Variants in HPS3 observed in about 807,000 individuals in gnomAD.
HPS3 encodes the protein HPS3 biogenesis of lysosomal organelles complex 2 subunit 1.
HPS3 carries 79 observed loss-of-function variants against 110.9 expected under a neutral mutation model. The observed-to-expected ratio is 0.71, with a 90% CI of 0.59 to 0.86. HPS3 has a LOEUF of 0.86. Ranked by LOEUF, HPS3 falls within the 40% of genes least tolerant of loss-of-function variation. HPS3 has a pLI of 0.00. For missense variants in HPS3, 1,197 were observed against 1,206.2 expected (o/e 0.99, Z 0.11); for synonymous variants, 428 against 451.0 (o/e 0.95, Z 0.65).
intron 2 of HPS3, 93 bp downstream of exon 2, chr3:149,140,591 G>A (rs1020447828): frequency 5.5e-5 from 73 of 1,335,236 alleles, no homozygotes; most frequent in Middle Eastern, 1.8e-4. Context: ...TATGGTGCCC[G>A]GCCATGTTAT....
In HPS3 at chr3:149,141,037, C is replaced by T. The variant is rs752034836; in HGVS notation, c.733C>T (p.Gln245Ter). 8.1e-6 allele frequency: 13 copies of T among 1,613,822 alleles called. No individual in the cohort carries two copies. The South Asian group carries it at 9.9e-5, about 12-fold the overall frequency. Reference sequence around the variant, plus strand: ...TTAAGGCATCAGTAATGAAATTTCACAGCTTGAGTCAGATGATTTTGTCAT... The same window carrying T: ...TTAAGGCATCAGTAATGAAATTTCATAGCTTGAGTCAGATGATTTTGTCAT... The part of the protein sequence containing the change: ...TEEGISNEIS[Q>*]LESDDFVICQ... Residue 245 changes from glutamine to a stop codon, truncating the protein, a stop_gained, in exon 3 of 17, where the codon CAG becomes TAG. Transcript: ENST00000296051. LOFTEE classifies it high-confidence loss of function.
In HPS3 at chr3:149,140,234, G is replaced by T. The variant is rs146744768; in HGVS notation, c.448G>T (p.Val150Phe). 5.0e-6 allele frequency: 8 copies of T among 1,614,038 alleles called. No individual in the cohort carries two copies. The Admixed American group carries it at 1.3e-4, about 27-fold the overall frequency. ...TTGCCCTGTGAAAGGAGACCTTCTC[G>T]TTGGCTGCACAAATAAATTAGTCTT... ...SCCPVKGDLL[V>F]GCTNKLVLFS... Residue 150 changes from valine (V) to phenylalanine (F), a missense_variant, in exon 2 of 17, where the codon GTT becomes TTT. Physicochemically the swap from Val to Phe is conservative, Grantham distance 50. Transcript: ENST00000296051.
At chr3:149,171,379 G>A (rs1178390790) in intron 16 of HPS3, among the ~76,000 whole-genome samples, 3 of 152,166 alleles carry the variant, frequency 2.0e-5, no homozygotes, top group Non-Finnish European at 4.4e-5. Context: ...AACATGAAAT[G>A]TTACGTTAGG....
rs373540245 is a variant in HPS3 at position 149,137,164 on chromosome 3, C to CT, written c.218-2838dup. On this transcript the variant is annotated intron_variant, in intron 1 of 16. Coordinates refer to ENST00000296051, the MANE Select transcript of HPS3 (RefSeq NM_032383.5). Reference sequence around the variant, plus strand: ...ACTTGATTAAAAAATGGGCTAAGGACTTGAATAGACATTTCTACAAAGAAG... The same window carrying CT: ...ACTTGATTAAAAAATGGGCTAAGGACTTTGAATAGACATTTCTACAAAGAAG... 3.4e-3 allele frequency among the ~76,000 whole-genome samples: 510 copies of CT among 152,158 alleles called. 4 individuals are homozygous for CT. The highest frequency in any genetic ancestry group is 0.012 in the African/African-American group (487 of 41,516).
chr3:149,132,545 A>G (rs553950099), intron 1 of HPS3, among the ~76,000 whole-genome samples: 50 of 152,236 alleles, frequency 3.3e-4, no homozygotes, highest in Non-Finnish European at 6.0e-4. Flanking sequence ...CTGCACATTG[A>G]CAATGCACCT....
In HPS3 at chr3:149,140,384, G is replaced by A. The variant is rs1360671187; in HGVS notation, c.598G>A (p.Val200Ile). The A allele has an allele frequency of 6.2e-7, 1 of 1,610,066 alleles. No individual in the cohort carries two copies. ...EVSFCVGYVA[V>I]MSDLEVLIVK... ...TTCTTTTTGTGTTGGATATGTTGCT[G>A]TCATGTCAGACTTAGAAGTCTTAAT... Residue 200 changes from valine (V) to isoleucine (I), a missense_variant, in exon 2 of 17, where the codon GTC becomes ATC. By Grantham distance (29) the Val-to-Ile change is conservative (BLOSUM62 3). Coordinates refer to ENST00000296051, the MANE Select transcript of HPS3 (RefSeq NM_032383.5).
In HPS3 at chr3:149,129,743, T is replaced by A. The variant is rs756513574; in HGVS notation, c.20T>A (p.Leu7Gln). 3 of 1,604,284 alleles carry A rather than the reference T, an allele frequency of 1.9e-6. No individual in the cohort carries two copies. In the South Asian group the frequency reaches 3.3e-5, roughly 18 times the overall value. ...GTCGGGATGGTGCAGCTGTACAACCTGCACCCGTTCGGGTCGCAGCAGGTG... is the reference window on the plus strand; with the variant it reads ...GTCGGGATGGTGCAGCTGTACAACCAGCACCCGTTCGGGTCGCAGCAGGTG... MVQLYN[L>Q]HPFGSQQVVP... Residue 7 changes from leucine (L) to glutamine (Q), a missense_variant, in exon 1 of 17, where the codon CTG becomes CAG. Leu to Gln is a moderately radical substitution (Grantham distance 113). Transcript: ENST00000296051.
intron 6 of HPS3, 27 bp from the exon 7 acceptor site, chr3:149,153,467 C>T: frequency 6.2e-7 from 1 of 1,600,446 alleles, no homozygotes; most frequent in Non-Finnish European, 8.6e-7. Context: ...TTATTTCTTG[C>T]TTAAATATGT....
At chr3:149,134,273 G>C (rs988653550) in intron 1 of HPS3, among the ~76,000 whole-genome samples, 2 of 152,088 alleles carry the variant, frequency 1.3e-5, no homozygotes, top group African/African-American at 4.8e-5. Context: ...AATATTGGTA[G>C]TTTTCTCTAC....
chr3:149,161,826 A>G (rs569037379), intron 11 of HPS3, among the ~76,000 whole-genome samples: 62 of 152,194 alleles, frequency 4.1e-4, no homozygotes, highest in African/African-American at 1.4e-3. Flanking sequence ...AATATTTTTG[A>G]TCTGTGGTTG....
chr3:149,145,205 TACCA>T, intron 4 of HPS3, 145 bp from the exon 5 acceptor site: 1 of 657,010 alleles, frequency 1.5e-6, no homozygotes, highest in Admixed American at 2.4e-5. Flanking sequence ...TTTTATTTCT[TACCA>T]ACATTCTTCT....
At chr3:149,170,582 G>C (rs1724881035) in intron 16 of HPS3, 1 of 152,186 alleles carries the variant, frequency 6.6e-6, no homozygotes, top group African/African-American at 2.4e-5. Flanking sequence ...CGGTGAGTTG[G>C]TGGAAGAGTC....
In HPS3 at chr3:149,165,354, G is replaced by A. The variant is rs546582559; in HGVS notation, c.2589+1405G>A. Among the ~76,000 whole-genome samples the A allele has an allele frequency of 4.4e-4, 67 of 152,206 alleles. 1 individual carries two copies. The highest frequency in any genetic ancestry group is 1.4e-3 in the African/African-American group (57 of 41,542). On this transcript the variant is annotated intron_variant, in intron 14 of 16. Coordinates refer to ENST00000296051, the MANE Select transcript of HPS3 (RefSeq NM_032383.5). The stretch of plus-strand genomic sequence containing the variant: ...ATTGCTTGAAAAAGTATAATTCAGT[G>A]ATCTTTTAAAATTTGTTTTAAAATA...
Position 149,167,899 on chromosome 3 carries a change from T to C in HPS3, c.2803T>C (p.Trp935Arg). 2 of 1,586,700 alleles carry C rather than the reference T, an allele frequency of 1.3e-6. No individual in the cohort carries two copies. Among genetic ancestry groups the C allele is most frequent in the Non-Finnish European group, 1.7e-6 (2 of 1,155,088 alleles). ...HELKEENRTL[W>R]WKKLLPELCQ... Reference sequence around the variant, plus strand: ...TCATTTTTTCCTAAGATAGACTCTGTGGTGGAAAAAACTGTTGCCTGAACT... The same window carrying C: ...TCATTTTTTCCTAAGATAGACTCTGCGGTGGAAAAAACTGTTGCCTGAACT... Residue 935 changes from tryptophan to arginine, a missense_variant, in exon 16 of 17, where the codon TGG becomes CGG. Physicochemically the swap from Trp to Arg is moderately radical, Grantham distance 101. Transcript: ENST00000296051.
At chr3:149,149,644 CT>C (rs113297187) in intron 5 of HPS3, among the ~76,000 whole-genome samples, 2 of 150,814 alleles carry the variant, frequency 1.3e-5, no homozygotes, top group East Asian at 1.9e-4. Context: ...TTGCTTTAGT[CT>C]TTTTTTTTAT....
chr3:149,150,880 T>G lies in HPS3; in HGVS notation c.1245+200T>G, dbSNP rs527487426. Reference sequence around the variant, plus strand: ...TAGTTGACAGTTTTTAAGATTGCTTTGCAAACATTTCACTCCGAATTGATT... The same window carrying G: ...TAGTTGACAGTTTTTAAGATTGCTTGGCAAACATTTCACTCCGAATTGATT... On this transcript the variant is annotated intron_variant, in intron 6 of 16. Transcript: ENST00000296051. 4.6e-5 allele frequency among the ~76,000 whole-genome samples: 7 copies of G among 152,352 alleles called. No homozygotes were observed. The East Asian group carries it at 1.2e-3, about 25-fold the overall frequency.
At position 149,148,014 on chromosome 3, in the gene HPS3, G is replaced by T. The variant is rs540935371; in HGVS notation, c.1163+2468G>T. On this transcript the variant is annotated intron_variant, in intron 5 of 16. Transcript: ENST00000296051. Reference sequence around the variant, plus strand: ...ACCTCCCAAGTCGCTGGGATTATAGGCACCTGCCGCCATGCCCGACTAATT... The same window carrying T: ...ACCTCCCAAGTCGCTGGGATTATAGTCACCTGCCGCCATGCCCGACTAATT... 3.3e-4 allele frequency among the ~76,000 whole-genome samples: 50 copies of T among 152,114 alleles called. 1 individual carries two copies. In the South Asian group the frequency reaches 1.0e-2, roughly 30 times the overall value.
At chr3:149,146,084 T>A (rs1277396044) in intron 5 of HPS3, among the ~76,000 whole-genome samples, 1 of 152,230 alleles carries the variant, frequency 6.6e-6, no homozygotes, top group Non-Finnish European at 1.5e-5. Context: ...TCCCCTATTA[T>A]GCTGGCATGT....
At chr3:149,151,183 G>GTATTAT (rs11375532) in intron 6 of HPS3, among the ~76,000 whole-genome samples, 6 of 147,566 alleles carry the variant, frequency 4.1e-5, no homozygotes, top group Admixed American at 2.0e-4. Flanking sequence ...GATTCTTTTT[G>GTATTAT]TATTATTATT....
Sources: gnomAD v4.1 joint callset for allele counts (sites outside exome capture counted in the v4.1 genomes callset) on GRCh38, gnomAD v4.1.1 for gene constraint, MANE v1.5 for transcripts, NCBI Gene and HGNC (gene_info 2026-07-23, HGNC 2026-07-21) for gene names.